The following SVEP1 variants were observed in gnomAD, a reference collection of about 807,000 sequenced individuals.
SVEP1 encodes the protein sushi, von Willebrand factor type A, EGF and pentraxin domain-containing protein 1.
A neutral mutation model predicts 367.3 loss-of-function variants in SVEP1; 164 were observed. The ratio of observed to expected loss-of-function variants is 0.45; its 90% CI spans 0.39 to 0.51. SVEP1 has a LOEUF of 0.51. SVEP1 is among the 20% of genes least tolerant of loss of function. The pLI is 0.00. For missense variants in SVEP1, 4,117 were observed against 4,425.3 expected (o/e 0.93, Z 1.98); for synonymous variants, 1,666 against 1,611.6 (o/e 1.03, Z -0.81).
intron 3 of SVEP1, 103 bp downstream of exon 3, chr9:110,546,012 C>T (rs1830216093): frequency 1.5e-6 from 2 of 1,368,472 alleles, no homozygotes; most frequent in East Asian, 2.5e-5. Context: ...TGACCCCACA[C>T]ACTAATGAGC....
In SVEP1 at chr9:110,532,406, C is replaced by A. The variant is rs561084026; in HGVS notation, c.964+13709G>T. ...TCATAGAAGTTAGTTTGCTGTAAAT[C>A]GAGAAGGACTAGTAAGAAATGAACG... On this transcript the variant is annotated intron_variant, in intron 3 of 47. Coordinates refer to ENST00000374469, the MANE Select transcript of SVEP1 (RefSeq NM_153366.4). Among the ~76,000 whole-genome samples the A allele has an allele frequency of 3.3e-5, 5 of 152,066 alleles. No individual in the cohort carries two copies. The East Asian group carries it at 7.7e-4, about 24-fold the overall frequency.
chr9:110,453,922 G>T (rs938391029), intron 22 of SVEP1, among the ~76,000 whole-genome samples: 17 of 150,874 alleles, frequency 1.1e-4, no homozygotes, highest in Non-Finnish European at 2.1e-4. Flanking sequence ...GTGTGAGATG[G>T]TATCTCACTG....
intron 36 of SVEP1, among the ~76,000 whole-genome samples, chr9:110,425,106 G>A (rs1828231794): frequency 1.3e-5 from 2 of 152,146 alleles, no homozygotes; most frequent in Non-Finnish European, 2.9e-5. Context: ...CATATTAAAG[G>A]GGCATCATTT....
At position 110,518,421 on chromosome 9, in the gene SVEP1, CA is replaced by C. The variant is rs759436270; in HGVS notation, c.965-4316del. Among the ~76,000 whole-genome samples the C allele has an allele frequency of 9.0e-3, 1,163 of 129,568 alleles. 10 individuals carry two copies. The highest frequency in any genetic ancestry group is 0.026 in the African/African-American group (905 of 35,104). 85.0% of individuals were successfully genotyped at this position (129,568 alleles called of 152,430 possible). On this transcript the variant is annotated intron_variant, in intron 3 of 47. Transcript: ENST00000374469. ...TGGGTGACAGAGGAAGACTCCATCTCAAAAAAAAAAAAAGTAAATGCAGTTA... is the reference window on the plus strand; with the variant it reads ...TGGGTGACAGAGGAAGACTCCATCTCAAAAAAAAAAAAGTAAATGCAGTTA...
At position 110,404,451 on chromosome 9, in the gene SVEP1, C is replaced by T; in HGVS notation, c.9542G>A (p.Cys3181Tyr). ...ATGTGTTATGTTTTCCGGGAGAGGACATTTTTTAGGACTGCAGGAGATTCT... is the reference window on the plus strand; with the variant it reads ...ATGTGTTATGTTTTCCGGGAGAGGATATTTTTTAGGACTGCAGGAGATTCT... Reference protein sequence around the residue: ...PERISCSPKKCPLPENITHIL... With the variant: ...PERISCSPKKYPLPENITHIL... Residue 3181 changes from cysteine (C) to tyrosine (Y), a missense_variant, in exon 39 of 48, where the codon TGT (cysteine) becomes TAT (tyrosine). This residue lies in a region of SVEP1 where 1,765 missense variants were observed against 1,781.1 expected (regional missense o/e 0.99). Transcript: ENST00000374469. The T allele has an allele frequency of 6.2e-7, 1 of 1,613,972 alleles. No homozygotes were observed. The highest frequency in any genetic ancestry group is 8.5e-7 in the Non-Finnish European group (1 of 1,179,886).
chr9:110,449,971 A>T, intron 24 of SVEP1, 88 bp downstream of exon 24: 4 of 1,430,348 alleles, frequency 2.8e-6, no homozygotes, highest in Non-Finnish European at 3.9e-6. Context: ...CTGACTTGAG[A>T]CTCAAAGCAA....
Position 110,408,844 on chromosome 9 carries a change from G to A in SVEP1, c.6756C>T (p.His2252=), listed in dbSNP as rs1197057510. The change falls in exon 38 of 48, where the codon CAC becomes CAT. Residue 2252 remains histidine (H), a synonymous_variant. Transcript: ENST00000374469. ...VFVCQANRHW[H]SESPLMCVPL... is the part of the protein sequence containing the mutation. Reference sequence around the variant, plus strand: ...GAACACACATCAGAGGGGATTCACTGTGCCAGTGGCGATTGGCTTGGCAGA... The same window carrying A: ...GAACACACATCAGAGGGGATTCACTATGCCAGTGGCGATTGGCTTGGCAGA... The A allele has an allele frequency of 1.2e-6, 2 of 1,613,398 alleles. No homozygotes were observed. Among genetic ancestry groups the A allele is most frequent in the African/African-American group, 2.7e-5 (2 of 74,918 alleles).
intron 40 of SVEP1, among the ~76,000 whole-genome samples, chr9:110,396,769 T>G (rs1393116346): frequency 6.6e-6 from 1 of 152,052 alleles, no homozygotes; most frequent in African/African-American, 2.4e-5. Flanking sequence ...CCTCGACACA[T>G]ACATCCTCCC....
chr9:110,520,306 T>C (rs1043837623), intron 3 of SVEP1, among the ~76,000 whole-genome samples: 8 of 152,116 alleles, frequency 5.3e-5, no homozygotes, highest in African/African-American at 1.4e-4. Context: ...CAAGCAAAAG[T>C]TGAAAAAAAT....
At chr9:110,495,767 T>C (rs1183443455) in intron 8 of SVEP1, among the ~76,000 whole-genome samples, 1 of 152,214 alleles carries the variant, frequency 6.6e-6, no homozygotes, top group African/African-American at 2.4e-5. Flanking sequence ...ACTATTTTTC[T>C]AACATCTGAT....
At chr9:110,395,383 A>T (rs1827741471) in intron 40 of SVEP1, among the ~76,000 whole-genome samples, 1 of 152,326 alleles carries the variant, frequency 6.6e-6, no homozygotes, top group South Asian at 2.1e-4. Flanking sequence ...AACCAGTACC[A>T]CCCACTGCAA....
At chr9:110,508,060 C>T (rs1829651783) in intron 5 of SVEP1, among the ~76,000 whole-genome samples, 1 of 152,104 alleles carries the variant, frequency 6.6e-6, no homozygotes. Flanking sequence ...ACACTTAATA[C>T]CATTTTAATA....
intron 40 of SVEP1, among the ~76,000 whole-genome samples, chr9:110,396,755 A>C (rs142845403): frequency 0.03 from 4,506 of 152,118 alleles, 81 homozygotes; most frequent in Non-Finnish European, 0.047. Flanking sequence ...GAAATGGATA[A>C]ATTCCTCGAC....
At chr9:110,475,604 T>C (rs1333656406) in intron 14 of SVEP1, among the ~76,000 whole-genome samples, 2 of 151,784 alleles carry the variant, frequency 1.3e-5, no homozygotes, top group Non-Finnish European at 2.9e-5. Context: ...GGCATAATCA[T>C]GGCTCACTGC....
chr9:110,366,532 G>A lies in SVEP1; in HGVS notation c.*7C>T. The A allele has an allele frequency of 1.3e-6, 2 of 1,557,164 alleles. No homozygotes were observed. The highest frequency in any genetic ancestry group is 1.7e-6 in the Non-Finnish European group (2 of 1,153,700). On this transcript the variant is annotated 3_prime_UTR_variant, in exon 48 of 48. Transcript: ENST00000374469. ...GCTTTTGGGAGAGCCAGATGGTCGTGCAGTGGTTAAAACCCAGTCCTCCTT... is the reference window on the plus strand; with the variant it reads ...GCTTTTGGGAGAGCCAGATGGTCGTACAGTGGTTAAAACCCAGTCCTCCTT...
At chr9:110,383,240 C>A (rs1455691047) in intron 43 of SVEP1, among the ~76,000 whole-genome samples, 2 of 149,084 alleles carry the variant, frequency 1.3e-5, no homozygotes, top group African/African-American at 5.0e-5. Context: ...TTAGATGAGG[C>A]TTTTGTGAGG....
intron 1 of SVEP1, among the ~76,000 whole-genome samples, chr9:110,554,656 A>G (rs967827893): frequency 6.6e-6 from 1 of 152,152 alleles, no homozygotes; most frequent in South Asian, 2.1e-4. Flanking sequence ...TTTGAGTATC[A>G]ATAAAAATAA....
intron 6 of SVEP1, among the ~76,000 whole-genome samples, chr9:110,501,150 TATA>T (rs1205189514): frequency 6.8e-5 from 10 of 148,036 alleles, no homozygotes; most frequent in South Asian, 4.2e-4. Flanking sequence ...TATGTAGTAA[TATA>T]ATATATACAA....
intron 5 of SVEP1, among the ~76,000 whole-genome samples, chr9:110,507,193 CT>C: frequency 6.6e-6 from 1 of 152,328 alleles, no homozygotes; most frequent in Non-Finnish European, 1.5e-5. Context: ...TCAGAGAGCT[CT>C]TATAACAATC....
Sources: allele counts gnomAD v4.1 joint callset (sites outside exome capture counted in the v4.1 genomes callset), GRCh38; gene constraint gnomAD v4.1.1; regional missense constraint gnomAD v4.1.1; transcripts MANE v1.5; gene names NCBI Gene and HGNC (gene_info 2026-07-23, HGNC 2026-07-21).